The following HS3ST1 variants were observed in gnomAD, a reference collection of about 807,000 sequenced individuals.
HS3ST1 encodes heparan sulfate-glucosamine 3-sulfotransferase 1.
Under a neutral mutation model 20.7 loss-of-function variants are expected in HS3ST1, and 8 were observed. That is an observed-to-expected ratio of 0.39 (90% CI 0.23 to 0.70). The LOEUF (loss-of-function observed/expected upper bound fraction) is 0.70, where lower values mean the gene tolerates loss of function less well. Ranked by LOEUF, HS3ST1 falls within the 30% of genes least tolerant of loss-of-function variation. The pLI is 0.46. For synonymous variants in HS3ST1, 205 were observed against 190.4 expected, an observed-to-expected ratio of 1.08 and a Z score of -0.63; for missense variants, 436 against 423.4, an observed-to-expected ratio of 1.03 and a Z score of -0.26.
At chr4:11,425,800 G>A (rs1338638564) in intron 1 of HS3ST1, among the ~76,000 whole-genome samples, 2 of 152,020 alleles carry the variant, frequency 1.3e-5, no homozygotes, top group African/African-American at 4.8e-5. Context: ...AGAAATTTAG[G>A]GTCAGGGAGG....
intron 1 of HS3ST1, among the ~76,000 whole-genome samples, chr4:11,410,823 C>G (rs1718607527): frequency 6.6e-6 from 1 of 152,040 alleles, no homozygotes; most frequent in African/African-American, 2.4e-5. Context: ...ACCTGGGAGG[C>G]AGAGTTTGCA....
At chr4:11,409,542 C>A (rs1180919374) in intron 1 of HS3ST1, among the ~76,000 whole-genome samples, 2 of 152,192 alleles carry the variant, frequency 1.3e-5, no homozygotes, top group Non-Finnish European at 2.9e-5. Flanking sequence ...AAGGCACAGG[C>A]AAAACGTGGC....
In HS3ST1 at chr4:11,399,799, T is replaced by G; in HGVS notation, c.207A>C (p.Ala69=). The G allele has an allele frequency of 1.2e-6, 2 of 1,613,198 alleles. No homozygotes were observed. The highest frequency in any genetic ancestry group is 2.2e-5 in the South Asian group (2 of 91,038). Residue 69 remains alanine, a synonymous_variant, in exon 2 of 2, where the codon GCA becomes GCC. Coordinates refer to ENST00000002596, the MANE Select transcript of HS3ST1 (RefSeq NM_005114.4). This position sits in a 1 kb window ranked among gnomAD's most constrained non-coding sequence, Gnocchi z 5.1. ...IIGVRKGGTR[A]LLEMLSLHPD... is the part of the protein sequence containing the mutation. ...GGTGCAGGCTGAGCATCTCCAGCAG[T>G]GCGCGCGTGCCGCCCTTGCGCACGC...
chr4:11,406,205 C>T (rs908735160), intron 1 of HS3ST1, among the ~76,000 whole-genome samples: 1 of 152,188 alleles, frequency 6.6e-6, no homozygotes, highest in Non-Finnish European at 1.5e-5. Context: ...TCTTCTAATA[C>T]TTGCAACAAT....
chr4:11,421,491 G>C (rs1297752057), intron 1 of HS3ST1, among the ~76,000 whole-genome samples: 1 of 152,142 alleles, frequency 6.6e-6, no homozygotes, highest in East Asian at 1.9e-4. Context: ...AGCACAGCTA[G>C]GCAAGCTTGC....
rs141925494 is a variant in HS3ST1, at chr4:11,398,849, A to C, written c.*233T>G. 14 of 386,608 alleles carry C rather than the reference A, an allele frequency of 3.6e-5. No individual in the cohort carries two copies. The highest frequency in any genetic ancestry group is 6.8e-4 in the Middle Eastern group (1 of 1,468). 23.9% of individuals were successfully genotyped at this position (386,608 alleles called of 1,614,324 possible). A position where few individuals can be genotyped will look rare whatever the true frequency, so the allele number is the denominator to read the frequency against. On this transcript the variant is annotated 3_prime_UTR_variant, in exon 2 of 2. Transcript: ENST00000002596. ...GAAATAGTTTAGTTCCTTCATATAG[A>C]GACATATTACACAATGTTAACAACC...
At chr4:11,418,569 C>T (rs1037242119) in intron 1 of HS3ST1, among the ~76,000 whole-genome samples, 6 of 152,138 alleles carry the variant, frequency 3.9e-5, no homozygotes, top group Non-Finnish European at 7.3e-5. Context: ...AACTGCGTGG[C>T]GAATGGAGCT....
chr4:11,433,174 C>A (rs1189507120), upstream of HS3ST1, among the ~76,000 whole-genome samples: 4 of 151,994 alleles, frequency 2.6e-5, no homozygotes, highest in Admixed American at 1.3e-4. Flanking sequence ...AAAAGTTTAT[C>A]TTTTTCTGAT....
chr4:11,401,237 C>T (rs1718314863), intron 1 of HS3ST1, among the ~76,000 whole-genome samples: 1 of 152,096 alleles, frequency 6.6e-6, no homozygotes. Flanking sequence ...TGCAAAAAAG[C>T]CTTCATTTGT....
At chr4:11,400,222 C>CT (rs1718286593) in intron 1 of HS3ST1, 109 bp from the exon 2 acceptor site, 1 of 918,868 alleles carries the variant, frequency 1.1e-6, no homozygotes, top group South Asian at 2.7e-5. Flanking sequence ...CCCCAGGACT[C>CT]TCAGTTTCTT....
chr4:11,406,903 G>T (rs975483770), intron 1 of HS3ST1, among the ~76,000 whole-genome samples: 1 of 151,644 alleles, frequency 6.6e-6, no homozygotes, highest in South Asian at 2.1e-4. Flanking sequence ...AAAAGTATAA[G>T]ATTATTTTTT....
At position 11,400,406 on chromosome 4, in the gene HS3ST1, C is replaced by G. The variant is rs995559516; in HGVS notation, c.-108-293G>C. Among the ~76,000 whole-genome samples, 5 of 152,114 alleles carry G rather than the reference C, an allele frequency of 3.3e-5. No homozygotes were observed. The East Asian group carries it at 9.6e-4, about 29-fold the overall frequency. On this transcript the variant is annotated intron_variant, in intron 1 of 1. Coordinates refer to ENST00000002596, the MANE Select transcript of HS3ST1 (RefSeq NM_005114.4). The stretch of plus-strand genomic sequence containing the variant: ...GGTGTGGTTGTGTTCCAAGAACACT[C>G]TATTTATGGGCACTGAGTGAATTTC...
upstream of HS3ST1, among the ~76,000 whole-genome samples, chr4:11,431,488 A>G (rs1191527763): frequency 6.6e-6 from 1 of 152,208 alleles, no homozygotes; most frequent in Non-Finnish European, 1.5e-5. Context: ...CGAAGTCTTT[A>G]TTGAGCACCT....
intron 1 of HS3ST1, among the ~76,000 whole-genome samples, chr4:11,405,340 G>A (rs1718436495): frequency 3.3e-5 from 5 of 152,108 alleles, no homozygotes; most frequent in Admixed American, 6.5e-5. Context: ...AAGCTTCCTC[G>A]AGTCCCACTG....
chr4:11,432,550 T>A (rs1318529496), upstream of HS3ST1, among the ~76,000 whole-genome samples: 2 of 152,250 alleles, frequency 1.3e-5, no homozygotes, highest in East Asian at 3.8e-4. Flanking sequence ...TAGAAAAAGA[T>A]CATCTGTAAA....
rs751861377 is a variant in HS3ST1 at position 11,399,215 on chromosome 4, C to T, written c.791G>A (p.Arg264His). Residue 264 changes from arginine to histidine, a missense_variant, in exon 2 of 2, where the codon CGC becomes CAC. Coordinates refer to ENST00000002596, the MANE Select transcript of HS3ST1 (RefSeq NM_005114.4). This position sits in a 1 kb window ranked among gnomAD's most constrained non-coding sequence, Gnocchi z 5.1. The stretch of plus-strand genomic sequence containing the variant: ...CCGGCCTTTGGACTCATGTAAGCAG[C>T]GGTCCCGGCCGCTGTCCCGCAGGCA... ...FYCLRDSGRD[R>H]CLHESKGRAH... 1.9e-6 allele frequency: 3 copies of T among 1,614,166 alleles called. No individual in the cohort carries two copies. The highest frequency in any genetic ancestry group is 1.3e-5 in the African/African-American group (1 of 75,028).
Position 11,399,958 on chromosome 4 carries a change from C to T in HS3ST1, c.48G>A (p.Gln16=). 2.6e-6 allele frequency: 4 copies of T among 1,557,312 alleles called. No individual in the cohort carries two copies. The highest frequency in any genetic ancestry group is 3.5e-6 in the Non-Finnish European group (4 of 1,155,960). ...LGAVLLVAQP[Q]LVPSRPAELG... ...GCTCGGCGGGGCGGGAAGGCACTAG[C>T]TGGGGCTGGGCCACCAGCAGCACCG... is the stretch of plus-strand genomic sequence containing the variant. Residue 16 remains glutamine, a synonymous_variant, in exon 2 of 2, where the codon CAG becomes CAA. Coordinates refer to ENST00000002596, the MANE Select transcript of HS3ST1 (RefSeq NM_005114.4). The surrounding 1 kb of genome is among the most constrained non-coding windows in gnomAD (Gnocchi z 5.1).
Position 11,420,487 on chromosome 4 carries a change from A to G in HS3ST1, c.-109+8212T>C, listed in dbSNP as rs532027467. 3.5e-3 allele frequency among the ~76,000 whole-genome samples: 533 copies of G among 152,324 alleles called. 4 individuals carry two copies. The highest frequency in any genetic ancestry group is 0.012 in the African/African-American group (518 of 41,582). On this transcript the variant is annotated intron_variant, in intron 1 of 1. Coordinates refer to ENST00000002596, the MANE Select transcript of HS3ST1 (RefSeq NM_005114.4). ...AAAGCACAAAGTATCCCTTCAGTGT[A>G]CTCAGTGGAACGCTGTGTGACGCTA... is the stretch of plus-strand genomic sequence containing the variant.
intron 1 of HS3ST1, among the ~76,000 whole-genome samples, chr4:11,401,550 G>T (rs944467810): frequency 7.2e-5 from 11 of 152,028 alleles, no homozygotes; most frequent in Non-Finnish European, 1.6e-4. Context: ...CTCTATGTTG[G>T]TCAGGCTGGT....
Sources: allele counts gnomAD v4.1 joint callset (sites outside exome capture counted in the v4.1 genomes callset), GRCh38; gene constraint gnomAD v4.1.1; non-coding constraint Gnocchi (gnomAD v3.1); transcripts MANE v1.5; gene names NCBI Gene and HGNC (gene_info 2026-07-23, HGNC 2026-07-21).